The following WDR17 variants were observed in gnomAD, a reference collection of about 807,000 sequenced individuals.
WDR17 encodes WD repeat domain 17.
A neutral mutation model predicts 161.7 loss-of-function variants in WDR17; 143 were observed. That is an observed-to-expected ratio of 0.88 (90% CI 0.77 to 1.02). The LOEUF is 1.02. Ranked by LOEUF, WDR17 falls within the 50% of genes least tolerant of loss-of-function variation. The pLI is 0.00. For synonymous variants in WDR17, 517 were observed against 515.6 expected, an observed-to-expected ratio of 1.00 and a Z score of -0.04; for missense variants, 1,469 against 1,520.9, an observed-to-expected ratio of 0.97 and a Z score of 0.57.
At chr4:176,124,363 C>T (rs1742104397) in intron 4 of WDR17, among the ~76,000 whole-genome samples, 1 of 152,094 alleles carries the variant, frequency 6.6e-6, no homozygotes, top group Admixed American at 6.5e-5. Flanking sequence ...TGATCCTTTG[C>T]TTTATTTAAT....
At chr4:176,097,359 C>G (rs889029492) in intron 1 of WDR17, among the ~76,000 whole-genome samples, 1 of 151,886 alleles carries the variant, frequency 6.6e-6, no homozygotes, top group Non-Finnish European at 1.5e-5. Context: ...CATAGGCTGC[C>G]AATGATATAC....
At chr4:176,171,958 G>A (rs1321611029) in intron 23 of WDR17, among the ~76,000 whole-genome samples, 1 of 152,144 alleles carries the variant, frequency 6.6e-6, no homozygotes, top group East Asian at 1.9e-4. Flanking sequence ...TTACAGCGTA[G>A]AGGACATGGA....
chr4:176,137,640 T>C (rs778345755), intron 9 of WDR17, 29 bp downstream of exon 9: 2 of 1,304,008 alleles, frequency 1.5e-6, no homozygotes, highest in East Asian at 2.5e-5. Context: ...TACTGAATAA[T>C]ATAATGTTTT....
At position 176,149,807 on chromosome 4, in the gene WDR17, G is replaced by A; in HGVS notation, c.1898G>A (p.Gly633Asp). 1 of 1,611,694 alleles carries A rather than the reference G, an allele frequency of 6.2e-7. No individual in the cohort carries two copies. Among genetic ancestry groups the A allele is most frequent in the South Asian group, 1.1e-5 (1 of 90,254 alleles). ...TAAAATAGGTTTTTATTTTCATCAG[G>A]TTTAACCTGCCATCCCAGTCGCCCC... ...TVYDHGADVY[G>D]LTCHPSRPFT... is the part of the protein sequence containing the mutation. Residue 633 changes from glycine to aspartate, a missense_variant and splice_region_variant, in exon 14 of 29, where the codon GGT becomes GAT. Gly to Asp is a moderately conservative substitution (Grantham distance 94, BLOSUM62 -1). Transcript: ENST00000508596.
chr4:176,163,201 C>G lies in WDR17; in HGVS notation c.2898C>G (p.Val966=). The change falls in exon 22 of 29, where the codon GTC becomes GTG. Residue 966 remains valine, a synonymous_variant. Transcript: ENST00000508596. The part of the protein sequence containing the change: ...LIRGNELELA[V]CVGTVLGESA... ...GCGGAAATGAACTGGAGTTGGCAGT[C>G]TGTGTGGGCACAGTACTAGGAGAGT... is the stretch of plus-strand genomic sequence containing the variant. 4 of 1,614,118 alleles carry G rather than the reference C, an allele frequency of 2.5e-6. No individual in the cohort carries two copies. Among genetic ancestry groups the G allele is most frequent in the Non-Finnish European group, 3.4e-6 (4 of 1,180,014 alleles).
In WDR17 at chr4:176,180,273, T is replaced by C. The variant is rs1752028602; in HGVS notation, c.*694T>C. 1 of 151,956 alleles carries C rather than the reference T, an allele frequency of 6.6e-6. No homozygotes were observed. The highest frequency in any genetic ancestry group is 1.5e-5 in the Non-Finnish European group (1 of 67,974). 9.4% of individuals were successfully genotyped at this position (151,956 alleles called of 1,614,324 possible). The stretch of plus-strand genomic sequence containing the variant: ...GGCGGGTAAAAATCACAAAATGCAG[T>C]CGAATATATATATGAAAACTTGCAT... On this transcript the variant is annotated 3_prime_UTR_variant, in exon 29 of 29. Transcript: ENST00000508596.
chr4:176,137,750 T>C, intron 9 of WDR17, 139 bp downstream of exon 9: 1 of 453,458 alleles, frequency 2.2e-6, no homozygotes, highest in Non-Finnish European at 3.5e-6. Flanking sequence ...AAGAAAATCC[T>C]AGAGAATACT....
chr4:176,175,139 G>A (rs1751256987), intron 26 of WDR17, among the ~76,000 whole-genome samples: 1 of 152,176 alleles, frequency 6.6e-6, no homozygotes, highest in African/African-American at 2.4e-5. Context: ...AGAGGTAAGA[G>A]TGAAAGAGAC....
intron 16 of WDR17, among the ~76,000 whole-genome samples, chr4:176,151,543 G>A (rs1257577575): frequency 6.6e-6 from 1 of 152,170 alleles, no homozygotes; most frequent in African/African-American, 2.4e-5. Flanking sequence ...ATGAACTCTT[G>A]TAAAACAATT....
intron 1 of WDR17, among the ~76,000 whole-genome samples, chr4:176,096,202 C>A (rs1306148529): frequency 6.6e-6 from 1 of 151,848 alleles, no homozygotes; most frequent in East Asian, 1.9e-4. Flanking sequence ...AAATCATTGA[C>A]CTGTTTCTTA....
intron 22 of WDR17, among the ~76,000 whole-genome samples, chr4:176,163,885 A>G (rs566699511): frequency 6.6e-6 from 1 of 152,312 alleles, no homozygotes; most frequent in Non-Finnish European, 1.5e-5. Flanking sequence ...ATTAGGAAAT[A>G]TGGGATTCCG....
chr4:176,081,223 G>A (rs1207197396), intron 1 of WDR17, among the ~76,000 whole-genome samples: 2 of 151,992 alleles, frequency 1.3e-5, no homozygotes, highest in Non-Finnish European at 2.9e-5. Context: ...TTAAAATATC[G>A]TTAGCATGTT....
chr4:176,075,466 A>G (rs1473316603), intron 1 of WDR17, among the ~76,000 whole-genome samples: 3 of 152,148 alleles, frequency 2.0e-5, no homozygotes, highest in Non-Finnish European at 2.9e-5. Flanking sequence ...TTCTCTTTCA[A>G]TCATTACTTT....
At chr4:176,073,851 G>A (rs1470023267) in intron 1 of WDR17, among the ~76,000 whole-genome samples, 4 of 151,906 alleles carry the variant, frequency 2.6e-5, no homozygotes, top group Non-Finnish European at 5.9e-5. Context: ...TTCTCTGATG[G>A]CCAGTGATGA....
intron 22 of WDR17, chr4:176,166,206 T>G (rs1481793190): frequency 1.9e-6 from 1 of 523,928 alleles, no homozygotes; most frequent in Non-Finnish European, 3.2e-6. Context: ...TTTATTTTAT[T>G]ATTTGAATAC....
At chr4:176,068,558 C>T (rs890141545) in intron 1 of WDR17, among the ~76,000 whole-genome samples, 1 of 151,866 alleles carries the variant, frequency 6.6e-6, no homozygotes, top group African/African-American at 2.4e-5. Context: ...GCCAAGATTG[C>T]GCCACTGCAT....
At position 176,155,121 on chromosome 4, in the gene WDR17, A is replaced by G. The variant is rs76406002; in HGVS notation, c.2461-958A>G. ...TGAAATAAAAATGTTAATATTTTGA[A>G]CACCATGGAACAAATTACTCTGGAG... is the stretch of plus-strand genomic sequence containing the variant. On this transcript the variant is annotated intron_variant, in intron 17 of 28. Transcript: ENST00000508596. 1.3e-3 allele frequency among the ~76,000 whole-genome samples: 200 copies of G among 152,278 alleles called. 3 individuals carry two copies. In the East Asian group the frequency reaches 0.03, roughly 22 times the overall value.
intron 23 of WDR17, among the ~76,000 whole-genome samples, chr4:176,171,039 C>A (rs1250535251): frequency 6.6e-6 from 1 of 152,120 alleles, no homozygotes; most frequent in Non-Finnish European, 1.5e-5. Flanking sequence ...ATAATAATAT[C>A]TCATGTAATT....
At chr4:176,159,644 T>C (rs571896034) in intron 18 of WDR17, among the ~76,000 whole-genome samples, 1 of 152,318 alleles carries the variant, frequency 6.6e-6, no homozygotes, top group Non-Finnish European at 1.5e-5. Context: ...TACCCACATA[T>C]TTGCTTAATC....
Sources: allele counts gnomAD v4.1 joint callset (sites outside exome capture counted in the v4.1 genomes callset), GRCh38; gene constraint gnomAD v4.1.1; transcripts MANE v1.5; gene names NCBI Gene and HGNC (gene_info 2026-07-23, HGNC 2026-07-21).